Variants in NCS1 observed in about 807,000 individuals in gnomAD.
NCS1 encodes the protein frequenin homolog.
A neutral mutation model predicts 28.4 loss-of-function variants in NCS1; 6 were observed. The observed-to-expected ratio is 0.21, with a 90% CI of 0.12 to 0.42. The LOEUF is 0.42. Among genes scored for constraint, NCS1 ranks in the 10% least tolerant of loss-of-function variants. The pLI is 1.00. For missense variants in NCS1, 131 were observed against 241.4 expected (o/e 0.54, Z 3.03); for synonymous variants, 86 against 99.3 (o/e 0.87, Z 0.79).
chr9:130,190,032 AAG>A (rs34529294), intron 1 of NCS1, among the ~76,000 whole-genome samples: 7,258 of 120,292 alleles, frequency 0.06, 247 homozygotes, highest in African/African-American at 0.11. Context: ...ATGTTTATGC[AAG>A]AGAGAGAGAG....
intron 1 of NCS1, among the ~76,000 whole-genome samples, chr9:130,173,365 C>T (rs1832516993): frequency 6.6e-6 from 1 of 152,184 alleles, no homozygotes; most frequent in African/African-American, 2.4e-5. Flanking sequence ...TCATCTGGGC[C>T]GCGTGTGATC....
chr9:130,213,182 G>T (rs1339509794), intron 2 of NCS1, among the ~76,000 whole-genome samples: 2 of 152,260 alleles, frequency 1.3e-5, no homozygotes, highest in Non-Finnish European at 2.9e-5. Flanking sequence ...GTTTCTGCTG[G>T]TGACTTGCTG....
At chr9:130,190,101 C>A (rs1406633244) in intron 1 of NCS1, among the ~76,000 whole-genome samples, 2 of 148,998 alleles carry the variant, frequency 1.3e-5, no homozygotes, top group East Asian at 3.9e-4. Context: ...CCTTTACTAG[C>A]CAGAAATAAC....
chr9:130,195,551 G>T (rs1224498594), intron 1 of NCS1, among the ~76,000 whole-genome samples: 2 of 152,144 alleles, frequency 1.3e-5, no homozygotes, highest in Non-Finnish European at 2.9e-5. Flanking sequence ...AGCCTCCGTG[G>T]TAGCTGGGAT....
chr9:130,189,904 A>ATATATATATATATATATG (rs1324463526), intron 1 of NCS1, among the ~76,000 whole-genome samples: 30 of 131,470 alleles, frequency 2.3e-4, no homozygotes, highest in African/African-American at 8.9e-4. Context: ...ATATATATAT[A>ATATATATATATATATATG]TATATTCCCA....
intron 4 of NCS1, among the ~76,000 whole-genome samples, chr9:130,221,572 C>T (rs1833302979): frequency 6.9e-6 from 1 of 145,302 alleles, no homozygotes; most frequent in Admixed American, 7.1e-5. Context: ...GCTGGAACTA[C>T]AGGCGCCCGC....
At chr9:130,193,060 C>G (rs1170421746) in intron 1 of NCS1, among the ~76,000 whole-genome samples, 1 of 152,240 alleles carries the variant, frequency 6.6e-6, no homozygotes, top group South Asian at 2.1e-4. Context: ...AACTGCCCCT[C>G]CCCAGGGGTG....
intron 7 of NCS1, among the ~76,000 whole-genome samples, chr9:130,229,783 G>C (rs10988648): frequency 1.3e-5 from 2 of 151,944 alleles, no homozygotes; most frequent in African/African-American, 4.8e-5. Flanking sequence ...GTGCCTACGC[G>C]GTAGTGATTA....
intron 1 of NCS1, 50 bp from the exon 2 acceptor site, chr9:130,200,908 C>G: frequency 6.2e-7 from 1 of 1,613,268 alleles, no homozygotes; most frequent in Non-Finnish European, 8.5e-7. Context: ...GCCCATCTCC[C>G]GGGACACCTT....
At chr9:130,185,781 T>A (rs1232724751) in intron 1 of NCS1, among the ~76,000 whole-genome samples, 1 of 152,246 alleles carries the variant, frequency 6.6e-6, no homozygotes, top group Non-Finnish European at 1.5e-5. Flanking sequence ...GCCGGGTTCT[T>A]GCCCCTCGGC....
intron 2 of NCS1, among the ~76,000 whole-genome samples, chr9:130,204,226 A>G (rs928137354): frequency 6.6e-6 from 1 of 151,936 alleles, no homozygotes; most frequent in Non-Finnish European, 1.5e-5. Flanking sequence ...TGAACTCCTG[A>G]GCTCAAGTGA....
chr9:130,190,811 CCT>C (rs1453281042), intron 1 of NCS1, among the ~76,000 whole-genome samples: 1 of 152,202 alleles, frequency 6.6e-6, no homozygotes, highest in Non-Finnish European at 1.5e-5. Context: ...GAGTGCTTTG[CCT>C]CTCTGTGAAA....
rs1833083381 is a variant in NCS1 at position 130,209,604 on chromosome 9, G to T, written c.90-8228G>T. Reference sequence around the variant, plus strand: ...GCTTGGAGTCTCCTGGTGGACGAGGGCATTCACCCAGCCTGGCGCCGTGTT... The same window carrying T: ...GCTTGGAGTCTCCTGGTGGACGAGGTCATTCACCCAGCCTGGCGCCGTGTT... On this transcript the variant is annotated intron_variant, in intron 2 of 7. Transcript: ENST00000372398. The surrounding 1 kb of genome is among the most constrained non-coding windows in gnomAD (Gnocchi z 4.4). Among the ~76,000 whole-genome samples the T allele has an allele frequency of 6.6e-6, 1 of 152,190 alleles. No homozygotes were observed. The highest frequency in any genetic ancestry group is 1.5e-5 in the Non-Finnish European group (1 of 68,034).
chr9:130,178,261 A>G (rs1184438980), intron 1 of NCS1, among the ~76,000 whole-genome samples: 1 of 152,152 alleles, frequency 6.6e-6, no homozygotes, highest in African/African-American at 2.4e-5. Context: ...ACCCCCTTGT[A>G]CAGAGAGGGA....
intron 7 of NCS1, among the ~76,000 whole-genome samples, chr9:130,231,288 G>A (rs974209581): frequency 6.6e-6 from 1 of 151,818 alleles, no homozygotes; most frequent in Non-Finnish European, 1.5e-5. Context: ...GGAGGGTGAG[G>A]CTGCAGTAAG....
At chr9:130,229,598 C>T (rs1166922022) in intron 7 of NCS1, among the ~76,000 whole-genome samples, 1 of 152,128 alleles carries the variant, frequency 6.6e-6, no homozygotes, top group East Asian at 1.9e-4. Context: ...TGACATGTCC[C>T]ATGGTGAATG....
chr9:130,174,380 C>T (rs1188053905), intron 1 of NCS1, among the ~76,000 whole-genome samples: 1 of 152,190 alleles, frequency 6.6e-6, no homozygotes, highest in East Asian at 1.9e-4. Context: ...CTCTACCAGG[C>T]TGGGTGCTGC....
chr9:130,229,558 T>C (rs1296383028), intron 7 of NCS1, among the ~76,000 whole-genome samples: 1 of 152,198 alleles, frequency 6.6e-6, no homozygotes, highest in Admixed American at 6.5e-5. Flanking sequence ...TGGCCAATAT[T>C]TCCATCATAG....
chr9:130,208,501 T>G (rs1381548700), intron 2 of NCS1, among the ~76,000 whole-genome samples: 1 of 152,110 alleles, frequency 6.6e-6, no homozygotes, highest in Non-Finnish European at 1.5e-5. Context: ...GGTCTCAAAC[T>G]CCTGACCTCA....
Sources: gnomAD v4.1 joint callset for allele counts (sites outside exome capture counted in the v4.1 genomes callset) on GRCh38, gnomAD v4.1.1 for gene constraint, Gnocchi (gnomAD v3.1) non-coding constraint, MANE v1.5 for transcripts, NCBI Gene and HGNC (gene_info 2026-07-23, HGNC 2026-07-21) for gene names.